The following TACC2 variants were observed in gnomAD, a reference collection of about 807,000 sequenced individuals.
The protein encoded by TACC2 is transforming acidic coiled-coil-containing protein 2.
TACC2 carries 137 observed loss-of-function variants against 227.3 expected under a neutral mutation model. That is an observed-to-expected ratio of 0.60 (90% CI 0.52 to 0.69). The LOEUF (loss-of-function observed/expected upper bound fraction) is 0.69, where lower values mean the gene tolerates loss of function less well. Ranked by LOEUF, TACC2 falls within the 30% of genes least tolerant of loss-of-function variation. The pLI is 0.00. For missense variants in TACC2, 3,470 were observed against 3,694.4 expected (o/e 0.94, Z 1.57); for synonymous variants, 1,523 against 1,487.5 (o/e 1.02, Z -0.55).
intron 7 of TACC2, among the ~76,000 whole-genome samples, chr10:122,164,793 C>A (rs1332016437): frequency 6.6e-6 from 1 of 152,156 alleles, no homozygotes; most frequent in African/African-American, 2.4e-5. Flanking sequence ...GCCTCACCTG[C>A]CCCCACTTTT....
chr10:121,991,304 C>T (rs1953017603), intron 1 of TACC2, among the ~76,000 whole-genome samples: 1 of 152,068 alleles, frequency 6.6e-6, no homozygotes, highest in Non-Finnish European at 1.5e-5. Context: ...AATTTATTTT[C>T]CCCTCAGAGC....
intron 1 of TACC2, among the ~76,000 whole-genome samples, chr10:122,017,623 C>G (rs1287645756): frequency 2.0e-5 from 3 of 151,720 alleles, no homozygotes; most frequent in Admixed American, 2.0e-4. Context: ...TGGAGACCAA[C>G]CTGGCCAACA....
chr10:122,117,064 T>G (rs952338885), intron 5 of TACC2, among the ~76,000 whole-genome samples: 4 of 152,110 alleles, frequency 2.6e-5, no homozygotes, highest in African/African-American at 9.7e-5. Context: ...GTATTTCATA[T>G]ATATTCAAAT....
intron 7 of TACC2, among the ~76,000 whole-genome samples, chr10:122,181,580 C>T (rs1270029796): frequency 6.6e-6 from 1 of 152,148 alleles, no homozygotes; most frequent in African/African-American, 2.4e-5. Context: ...AGTAACCTGT[C>T]CAAAGTTACT....
intron 10 of TACC2, among the ~76,000 whole-genome samples, chr10:122,216,254 T>C (rs548163819): frequency 6.6e-6 from 1 of 152,138 alleles, no homozygotes; most frequent in Non-Finnish European, 1.5e-5. Flanking sequence ...CAGGGACTGA[T>C]GAGATGCTTG....
chr10:122,133,668 C>T (rs2088873056), intron 6 of TACC2, among the ~76,000 whole-genome samples: 1 of 152,200 alleles, frequency 6.6e-6, no homozygotes. Flanking sequence ...CCTCCTGGAA[C>T]TCATGGCCCA....
At chr10:122,082,606 T>C in intron 3 of TACC2, 41 bp from the exon 4 acceptor site, 1 of 1,566,930 alleles carries the variant, frequency 6.4e-7, no homozygotes, top group Non-Finnish European at 8.7e-7. Flanking sequence ...GGCTCTGTCC[T>C]TGGCATCCAT....
intron 18 of TACC2, among the ~76,000 whole-genome samples, chr10:122,241,373 C>G (rs919451225): frequency 6.6e-6 from 1 of 152,112 alleles, no homozygotes; most frequent in African/African-American, 2.4e-5. Flanking sequence ...CTCACTGTAG[C>G]CTCAGACTCC....
intron 5 of TACC2, among the ~76,000 whole-genome samples, chr10:122,121,260 A>C (rs766050793): frequency 7.2e-5 from 11 of 152,238 alleles, no homozygotes; most frequent in Non-Finnish European, 1.3e-4. Flanking sequence ...TAATGACGCC[A>C]GCATTTGTGG....
rs182652964 is a variant in TACC2 at position 122,013,720 on chromosome 10, A to G, written c.-45-8217A>G. Among the ~76,000 whole-genome samples, 77 of 152,320 alleles carry G rather than the reference A, an allele frequency of 5.1e-4. 1 individual carries two copies. The highest frequency in any genetic ancestry group is 7.9e-4 in the Admixed American group (12 of 15,276). The stretch of plus-strand genomic sequence containing the variant: ...GGCTGGGGAGCAATGCCATGGCAGA[A>G]AACGCAGTTCTGATCTGAGCTTGCT... On this transcript the variant is annotated intron_variant, in intron 1 of 22. Transcript: ENST00000369005.
intron 6 of TACC2, among the ~76,000 whole-genome samples, chr10:122,137,045 A>G (rs1048375162): frequency 1.3e-5 from 2 of 151,836 alleles, no homozygotes; most frequent in African/African-American, 4.8e-5. Context: ...AGGCACCTCT[A>G]TCTCTAAGGT....
intron 11 of TACC2, among the ~76,000 whole-genome samples, chr10:122,220,964 A>G (rs1349474771): frequency 6.6e-6 from 1 of 152,214 alleles, no homozygotes; most frequent in Non-Finnish European, 1.5e-5. Flanking sequence ...TGTGCTCTTT[A>G]TGTGAGCATG....
chr10:122,021,605 G>T lies in TACC2; in HGVS notation c.-45-332G>T, dbSNP rs371594574. Among the ~76,000 whole-genome samples the T allele has an allele frequency of 1.6e-4, 24 of 152,148 alleles. No individual in the cohort carries two copies. In the South Asian group the frequency reaches 5.0e-3, roughly 32 times the overall value. ...TAATCTGACAAGCAGCATTCCTCAGGCCCTTTGGCAAACGGACCCCTTTTG... is the reference window on the plus strand; with the variant it reads ...TAATCTGACAAGCAGCATTCCTCAGTCCCTTTGGCAAACGGACCCCTTTTG... On this transcript the variant is annotated intron_variant, in intron 1 of 22. Transcript: ENST00000369005.
intron 13 of TACC2, among the ~76,000 whole-genome samples, chr10:122,227,564 CT>C (rs1324363630): frequency 6.6e-6 from 1 of 152,226 alleles, no homozygotes; most frequent in African/African-American, 2.4e-5. Context: ...TATCCAGTCA[CT>C]TTCCCAGAGT....
In TACC2 at chr10:122,209,125, G is replaced by C. The variant is rs1158435163; in HGVS notation, c.5972-1272G>C. Among the ~76,000 whole-genome samples, 1 of 152,232 alleles carries C rather than the reference G, an allele frequency of 6.6e-6. No individual in the cohort carries two copies. The highest frequency in any genetic ancestry group is 1.5e-5 in the Non-Finnish European group (1 of 68,046). ...CTCCTTGACTGGCAGGGGCTGATGA[G>C]GTAGAAAAGCTGAGAGGAGGCAGCT... On this transcript the variant is annotated intron_variant, in intron 8 of 22. Coordinates refer to ENST00000369005, the MANE Select transcript of TACC2 (RefSeq NM_206862.4). This position sits in a 1 kb window ranked among gnomAD's most constrained non-coding sequence, Gnocchi z 4.5.
intron 1 of TACC2, among the ~76,000 whole-genome samples, chr10:122,002,197 T>A (rs1452175317): frequency 6.6e-6 from 1 of 152,208 alleles, no homozygotes; most frequent in Non-Finnish European, 1.5e-5. Context: ...ACAAGGGTAC[T>A]AATCTCATTC....
At chr10:122,017,117 A>G (rs1285318393) in intron 1 of TACC2, among the ~76,000 whole-genome samples, 1 of 152,162 alleles carries the variant, frequency 6.6e-6, no homozygotes, top group Non-Finnish European at 1.5e-5. Flanking sequence ...GTGGTGTTAC[A>G]GCAGCCGGAG....
Position 122,213,883 on chromosome 10 carries a change from G to A in TACC2, c.7284-1508G>A, listed in dbSNP as rs143133010. ...CCCACAGAGTGCCCTGAAATGCAGGGTCAGTGCAGAGTGGAGCACACAGCT... is the reference window on the plus strand; with the variant it reads ...CCCACAGAGTGCCCTGAAATGCAGGATCAGTGCAGAGTGGAGCACACAGCT... On this transcript the variant is annotated intron_variant, in intron 9 of 22. Transcript: ENST00000369005. Among the ~76,000 whole-genome samples the A allele has an allele frequency of 5.6e-3, 849 of 152,302 alleles. 6 individuals carry two copies. The highest frequency in any genetic ancestry group is 9.3e-3 in the Non-Finnish European group (634 of 68,022).
intron 3 of TACC2, among the ~76,000 whole-genome samples, chr10:122,065,904 T>C (rs1010267334): frequency 2.0e-5 from 3 of 152,034 alleles, no homozygotes; most frequent in African/African-American, 7.3e-5. Context: ...TTTATGCCTG[T>C]AATATTTTTT....
Sources: gnomAD v4.1 joint callset for allele counts (sites outside exome capture counted in the v4.1 genomes callset) on GRCh38, gnomAD v4.1.1 for gene constraint, Gnocchi (gnomAD v3.1) non-coding constraint, MANE v1.5 for transcripts, NCBI Gene and HGNC (gene_info 2026-07-23, HGNC 2026-07-21) for gene names.